Variants in SYN2 observed in about 807,000 individuals in gnomAD.
SYN2 encodes synapsin II, also known as synapsin-2.
A neutral mutation model predicts 50.9 loss-of-function variants in SYN2; 19 were observed. The ratio of observed to expected loss-of-function variants is 0.37; its 90% confidence interval spans 0.26 to 0.55. SYN2 has a LOEUF of 0.55. SYN2 is among the 20% of genes least tolerant of loss of function. The pLI, the probability that SYN2 is intolerant of heterozygous loss-of-function variation, is 0.81. For synonymous variants in SYN2, 255 were observed against 224.9 expected (o/e 1.13, Z -1.20); for missense variants, 587 against 576.4 (o/e 1.02, Z -0.19).
chr3:12,107,729 T>A (rs1250061265), intron 1 of SYN2, among the ~76,000 whole-genome samples: 1 of 151,528 alleles, frequency 6.6e-6, no homozygotes, highest in East Asian at 2.0e-4. Flanking sequence ...CATAGTGAGA[T>A]CCCATCTGTA....
chr3:12,029,225 C>T (rs1694329254), intron 1 of SYN2, among the ~76,000 whole-genome samples: 1 of 132,010 alleles, frequency 7.6e-6, no homozygotes, highest in Non-Finnish European at 1.5e-5. Context: ...TGTTCTGTTC[C>T]ATTCATCTAT....
intron 1 of SYN2, among the ~76,000 whole-genome samples, chr3:12,109,300 G>A (rs1287585602): frequency 6.6e-5 from 10 of 152,204 alleles, no homozygotes; most frequent in Admixed American, 1.3e-4. Flanking sequence ...ACTTAATCTC[G>A]CTGTGCTCAT....
At chr3:12,111,210 A>G (rs985584525) in intron 1 of SYN2, among the ~76,000 whole-genome samples, 7 of 152,156 alleles carry the variant, frequency 4.6e-5, no homozygotes, top group Non-Finnish European at 7.3e-5. Context: ...TTTAAAAAGG[A>G]GAGTTCCCCT....
chr3:12,092,533 C>T (rs1695852288), intron 1 of SYN2, among the ~76,000 whole-genome samples: 1 of 152,130 alleles, frequency 6.6e-6, no homozygotes, highest in Admixed American at 6.5e-5. Flanking sequence ...TTTCTCCAGA[C>T]AAAGGAACTA....
chr3:12,169,664 C>A, intron 9 of SYN2, 93 bp from the exon 10 acceptor site: 1 of 1,440,304 alleles, frequency 6.9e-7, no homozygotes, highest in South Asian at 1.3e-5. Flanking sequence ...CAGTCCATCT[C>A]TGCTGGCTTA....
chr3:12,016,970 A>G (rs961549575), intron 1 of SYN2, among the ~76,000 whole-genome samples: 5 of 152,158 alleles, frequency 3.3e-5, no homozygotes, highest in Admixed American at 1.3e-4. Context: ...TGACTATATA[A>G]AGAACTCTTT....
In SYN2 at chr3:12,013,944, T is replaced by G. The variant is rs6810287; in HGVS notation, c.377+9016T>G. ...CCTCCTTGTCTTTACTGTCTGCTAC[T>G]ACAGTTTCCCTTCCTCCCCTTTCCT... is the stretch of plus-strand genomic sequence containing the variant. On this transcript the variant is annotated intron_variant, in intron 1 of 12. Transcript: ENST00000621198. Among the ~76,000 whole-genome samples the G allele has an allele frequency of 3.8e-3, 579 of 152,374 alleles. 4 individuals are homozygous for G. The highest frequency in any genetic ancestry group is 0.013 in the African/African-American group (551 of 41,588).
chr3:12,117,328 G>A (rs1429811446), intron 1 of SYN2, among the ~76,000 whole-genome samples: 1 of 152,158 alleles, frequency 6.6e-6, no homozygotes, highest in East Asian at 1.9e-4. Context: ...GATCTCTACT[G>A]AATCATTCAG....
chr3:12,112,852 C>T lies in SYN2; in HGVS notation c.378-27799C>T, dbSNP rs76423628. 2.0e-3 allele frequency among the ~76,000 whole-genome samples: 305 copies of T among 152,182 alleles called. 4 individuals are homozygous for T. Among genetic ancestry groups the T allele is most frequent in the East Asian group, 0.015 (79 of 5,184 alleles). On this transcript the variant is annotated intron_variant, in intron 1 of 12. Coordinates refer to ENST00000621198, the MANE Select transcript of SYN2 (RefSeq NM_133625.6). ...AATACCCCAGGAGTTAAGTCATATCCGGTTAGCATATGGTATATAATTGTG... is the reference window on the plus strand; with the variant it reads ...AATACCCCAGGAGTTAAGTCATATCTGGTTAGCATATGGTATATAATTGTG...
chr3:12,068,713 T>C (rs1486082930), intron 1 of SYN2, among the ~76,000 whole-genome samples: 3 of 152,226 alleles, frequency 2.0e-5, no homozygotes, highest in Non-Finnish European at 4.4e-5. Flanking sequence ...TAGGAAGATT[T>C]CCTTGACTTT....
intron 1 of SYN2, among the ~76,000 whole-genome samples, chr3:12,016,545 T>A (rs1009454868): frequency 1.3e-5 from 2 of 152,218 alleles, no homozygotes; most frequent in Non-Finnish European, 2.9e-5. Context: ...TGTTCAAGTC[T>A]CAATTTCTGT....
chr3:12,190,007 G>A (rs1427212475), intron 12 of SYN2, among the ~76,000 whole-genome samples: 1 of 152,116 alleles, frequency 6.6e-6, no homozygotes, highest in Non-Finnish European at 1.5e-5. Context: ...GGAGTGAGTG[G>A]CAAAACGAGA....
intron 8 of SYN2, 93 bp downstream of exon 8, chr3:12,167,401 G>A: frequency 7.5e-7 from 1 of 1,330,412 alleles, no homozygotes; most frequent in Non-Finnish European, 1.1e-6. Flanking sequence ...TCCAAAGGGA[G>A]TCATGGAGCA....
chr3:12,083,864 A>G (rs536848939), intron 1 of SYN2, among the ~76,000 whole-genome samples: 1 of 152,320 alleles, frequency 6.6e-6, no homozygotes, highest in East Asian at 1.9e-4. Flanking sequence ...ATTCAATCCC[A>G]TATGCTGCCA....
chr3:12,078,523 G>A (rs1574927841), intron 1 of SYN2, among the ~76,000 whole-genome samples: 1 of 152,192 alleles, frequency 6.6e-6, no homozygotes, highest in East Asian at 1.9e-4. Context: ...TCTGCATATG[G>A]CTAGCTAGTT....
chr3:12,181,852 G>A lies in SYN2; in HGVS notation c.1309-1460G>A, dbSNP rs76602118. 5.0e-3 allele frequency among the ~76,000 whole-genome samples: 761 copies of A among 152,298 alleles called. 7 individuals are homozygous for A. Among genetic ancestry groups the A allele is most frequent in the African/African-American group, 0.017 (708 of 41,560 alleles). On this transcript the variant is annotated intron_variant, in intron 10 of 12. Coordinates refer to ENST00000621198, the MANE Select transcript of SYN2 (RefSeq NM_133625.6). Reference sequence around the variant, plus strand: ...GAGTCCTGAAGGCTGATGGGATGGAGTGGTTTCCAGCTGGCTTCCCGGGTA... The same window carrying A: ...GAGTCCTGAAGGCTGATGGGATGGAATGGTTTCCAGCTGGCTTCCCGGGTA...
At chr3:12,127,900 C>T (rs1314661028) in intron 1 of SYN2, among the ~76,000 whole-genome samples, 1 of 152,042 alleles carries the variant, frequency 6.6e-6, no homozygotes, top group Admixed American at 6.6e-5. Flanking sequence ...AATGCATCAG[C>T]AAAATGATAA....
At chr3:12,153,074 T>A (rs962937858) in intron 5 of SYN2, 2 of 236,944 alleles carry the variant, frequency 8.4e-6, no homozygotes, top group African/African-American at 2.2e-5. Flanking sequence ...TATGTTCTTG[T>A]TTTCATTCCT....
chr3:12,046,098 C>T (rs919428662), intron 1 of SYN2, among the ~76,000 whole-genome samples: 7 of 152,116 alleles, frequency 4.6e-5, no homozygotes, highest in Non-Finnish European at 5.9e-5. Context: ...AGGAAAGAGA[C>T]TGTCAGTATT....
Sources: gnomAD v4.1 joint callset for allele counts (sites outside exome capture counted in the v4.1 genomes callset) on GRCh38, gnomAD v4.1.1 for gene constraint, MANE v1.5 for transcripts, NCBI Gene and HGNC (gene_info 2026-07-23, HGNC 2026-07-21) for gene names.